Variants in ZDHHC2 observed in about 807,000 individuals in gnomAD.
ZDHHC2 encodes palmitoyltransferase ZDHHC2.
ZDHHC2 carries 51 observed loss-of-function variants against 55.6 expected under a neutral mutation model. The observed-to-expected ratio is 0.92, with a 90% CI of 0.73 to 1.16. The LOEUF is 1.16. Ranked by LOEUF, ZDHHC2 falls within the 50% of genes most tolerant of loss-of-function variation. The pLI, the probability that ZDHHC2 is intolerant of heterozygous loss-of-function variation, is 0.00. For missense variants in ZDHHC2, 491 were observed against 442.4 expected (o/e 1.11, Z -0.99); for synonymous variants, 199 against 152.9 (o/e 1.30, Z -2.22).
chr8:17,174,743 C>G lies in ZDHHC2; in HGVS notation c.131-10046C>G, dbSNP rs569322324. On this transcript the variant is annotated intron_variant, in intron 1 of 12. Coordinates refer to ENST00000262096, the MANE Select transcript of ZDHHC2 (RefSeq NM_016353.5). ...TTTTTTTTTTTGAGACATAGTCTGG[C>G]TTTGTTGCCCAGGCTGGAGTGCAGT... 1.1e-4 allele frequency among the ~76,000 whole-genome samples: 11 copies of G among 99,406 alleles called. No individual in the cohort carries two copies. The East Asian group carries it at 3.5e-3, about 32-fold the overall frequency. 65.2% of individuals were successfully genotyped at this position (99,406 alleles called of 152,430 possible). A position where few individuals can be genotyped will look rare whatever the true frequency, so the allele number is the denominator to read the frequency against.
At chr8:17,188,666 C>T (rs960504091) in intron 3 of ZDHHC2, among the ~76,000 whole-genome samples, 1 of 152,118 alleles carries the variant, frequency 6.6e-6, no homozygotes, top group Non-Finnish European at 1.5e-5. Flanking sequence ...TCATTGAGTT[C>T]TGTGACTTTA....
rs184115294 is a variant in ZDHHC2, at chr8:17,220,532, A to C, written c.*311A>C. On this transcript the variant is annotated 3_prime_UTR_variant, in exon 13 of 13. Coordinates refer to ENST00000262096, the MANE Select transcript of ZDHHC2 (RefSeq NM_016353.5). ...AAATCCAAGGACCAGTTTTTACCCA[A>C]ATATATGGGTAGCACAGTTTATCAC... 1 of 152,214 alleles carries C rather than the reference A, an allele frequency of 6.6e-6. No individual in the cohort carries two copies. Among genetic ancestry groups the C allele is most frequent in the African/African-American group, 2.4e-5 (1 of 41,464 alleles). 9.4% of individuals were successfully genotyped at this position (152,214 alleles called of 1,614,324 possible). A position where few individuals can be genotyped will look rare whatever the true frequency, so the allele number is the denominator to read the frequency against.
At position 17,220,930 on chromosome 8, in the gene ZDHHC2, C is replaced by T. The variant is rs1585753136; in HGVS notation, c.*709C>T. The T allele has an allele frequency of 6.6e-6, 1 of 152,102 alleles. No individual in the cohort carries two copies. The highest frequency in any genetic ancestry group is 2.4e-5 in the African/African-American group (1 of 41,430). 9.4% of individuals were successfully genotyped at this position (152,102 alleles called of 1,614,324 possible). ...ACTTTTGTCAGAATACGGTACATTT[C>T]TATTACATCAGAAATATATTTTCAT... On this transcript the variant is annotated 3_prime_UTR_variant, in exon 13 of 13. Transcript: ENST00000262096.
At chr8:17,216,084 T>C (rs1220034182) in intron 11 of ZDHHC2, among the ~76,000 whole-genome samples, 1 of 152,212 alleles carries the variant, frequency 6.6e-6, no homozygotes, top group Non-Finnish European at 1.5e-5. Flanking sequence ...TATATATGTG[T>C]GTTGTCCACA....
At chr8:17,179,932 C>A (rs1805346702) in intron 1 of ZDHHC2, among the ~76,000 whole-genome samples, 1 of 151,888 alleles carries the variant, frequency 6.6e-6, no homozygotes, top group Admixed American at 6.6e-5. Flanking sequence ...GGGCATGGAC[C>A]AAAAAGAAAT....
chr8:17,217,782 T>G (rs947718517), intron 12 of ZDHHC2, among the ~76,000 whole-genome samples: 4 of 152,154 alleles, frequency 2.6e-5, no homozygotes, highest in African/African-American at 9.6e-5. Context: ...TCATTTTCTT[T>G]AAGCCTTATT....
chr8:17,171,576 CG>C (rs1804855025), intron 1 of ZDHHC2, among the ~76,000 whole-genome samples: 1 of 152,002 alleles, frequency 6.6e-6, no homozygotes, highest in Admixed American at 6.5e-5. Flanking sequence ...ACAAACATTC[CG>C]TGAATGTTTA....
chr8:17,178,562 A>G (rs1805268942), intron 1 of ZDHHC2, among the ~76,000 whole-genome samples: 1 of 152,226 alleles, frequency 6.6e-6, no homozygotes, highest in Non-Finnish European at 1.5e-5. Context: ...GTAGCACATA[A>G]GTAGCCATGT....
intron 5 of ZDHHC2, among the ~76,000 whole-genome samples, chr8:17,198,016 C>G (rs756380623): frequency 6.6e-6 from 1 of 152,206 alleles, no homozygotes; most frequent in Non-Finnish European, 1.5e-5. Flanking sequence ...GACAGTATGA[C>G]TTGGCATAAG....
At chr8:17,208,220 TG>T in intron 8 of ZDHHC2, 128 bp downstream of exon 8, 1 of 946,484 alleles carries the variant, frequency 1.1e-6, no homozygotes, top group Non-Finnish European at 1.5e-6. Flanking sequence ...TTTTCCTCAT[TG>T]TTTTTTTGAT....
rs927646101 is a variant in ZDHHC2, at chr8:17,187,622, C to CT, written c.252+1206dup. Among the ~76,000 whole-genome samples, 8 of 151,448 alleles carry CT rather than the reference C, an allele frequency of 5.3e-5. 1 individual carries two copies. Among genetic ancestry groups the CT allele is most frequent in the South Asian group, 2.1e-4 (1 of 4,784 alleles). On this transcript the variant is annotated intron_variant, in intron 3 of 12. Coordinates refer to ENST00000262096, the MANE Select transcript of ZDHHC2 (RefSeq NM_016353.5). ...TCTCCACTTCTTTTTCTATCCCAGT[C>CT]TTTTTTTTTCCTTCCTCCTACCATA...
chr8:17,197,552 C>A, intron 4 of ZDHHC2, 30 bp from the exon 5 acceptor site: 1 of 1,601,364 alleles, frequency 6.2e-7, no homozygotes, highest in Non-Finnish European at 8.5e-7. Flanking sequence ...AGTGTTAACT[C>A]TAAGACTAAG....
chr8:17,171,230 C>CT (rs1479964859), intron 1 of ZDHHC2, among the ~76,000 whole-genome samples: 4 of 152,118 alleles, frequency 2.6e-5, no homozygotes, highest in African/African-American at 9.7e-5. Flanking sequence ...CCATACAACT[C>CT]TATCTAAACA....
chr8:17,162,237 T>C (rs921969017), intron 1 of ZDHHC2, among the ~76,000 whole-genome samples: 4 of 152,226 alleles, frequency 2.6e-5, no homozygotes, highest in Non-Finnish European at 4.4e-5. Flanking sequence ...TTTAAGGCAA[T>C]TAGCACAGTC....
At chr8:17,165,103 T>C (rs998575731) in intron 1 of ZDHHC2, among the ~76,000 whole-genome samples, 10 of 152,140 alleles carry the variant, frequency 6.6e-5, no homozygotes, top group Non-Finnish European at 1.3e-4. Flanking sequence ...GACAGTCCAC[T>C]CCAGAACAGC....
intron 1 of ZDHHC2, among the ~76,000 whole-genome samples, chr8:17,158,013 G>A (rs564636621): frequency 1.1e-4 from 16 of 152,294 alleles, no homozygotes; most frequent in African/African-American, 3.8e-4. Context: ...TAAGTTGTAA[G>A]AGAACCGAGA....
chr8:17,171,783 C>T (rs1318999494), intron 1 of ZDHHC2, among the ~76,000 whole-genome samples: 2 of 151,364 alleles, frequency 1.3e-5, no homozygotes, highest in African/African-American at 2.4e-5. Context: ...AGGACAGATA[C>T]TGCCTTCTTC....
At chr8:17,172,311 CTT>C (rs1554458349) in intron 1 of ZDHHC2, among the ~76,000 whole-genome samples, 3 of 152,198 alleles carry the variant, frequency 2.0e-5, no homozygotes, top group Non-Finnish European at 4.4e-5. Flanking sequence ...AATATACGGA[CTT>C]TTAATTCGTC....
chr8:17,161,705 AAAT>A (rs983629046), intron 1 of ZDHHC2, among the ~76,000 whole-genome samples: 4 of 152,028 alleles, frequency 2.6e-5, no homozygotes, highest in African/African-American at 9.7e-5. Context: ...CAAAAAATAC[AAAT>A]ATTAGCCAGG....
Sources: allele counts gnomAD v4.1 joint callset (sites outside exome capture counted in the v4.1 genomes callset), GRCh38; gene constraint gnomAD v4.1.1; transcripts MANE v1.5; gene names NCBI Gene and HGNC (gene_info 2026-07-23, HGNC 2026-07-21).